TSPAN14: variants seen among roughly 807,000 people sequenced by gnomAD.
The protein encoded by TSPAN14 is tetraspanin-14.
TSPAN14 carries 16 observed loss-of-function variants against 36.6 expected under a neutral mutation model. The ratio of observed to expected loss-of-function variants is 0.44; its 90% CI spans 0.30 to 0.66. TSPAN14 has a LOEUF of 0.66. Among genes scored for constraint, TSPAN14 ranks in the 30% least tolerant of loss-of-function variants. The pLI, the probability that TSPAN14 is intolerant of heterozygous loss-of-function variation, is 0.12. For synonymous variants in TSPAN14, 139 were observed against 143.8 expected (o/e 0.97, Z 0.24); for missense variants, 231 against 355.1 (o/e 0.65, Z 2.81).
intron 6 of TSPAN14, among the ~76,000 whole-genome samples, chr10:80,512,718 G>A (rs1258349250): frequency 1.3e-5 from 2 of 152,136 alleles, no homozygotes; most frequent in African/African-American, 4.8e-5. Flanking sequence ...TTTTGAGACA[G>A]GGTCTTGCTG....
chr10:80,517,230 C>T (rs1367561605), intron 8 of TSPAN14, among the ~76,000 whole-genome samples: 3 of 152,184 alleles, frequency 2.0e-5, no homozygotes, highest in Non-Finnish European at 2.9e-5. Flanking sequence ...TAGGAGGAAG[C>T]AACTGGAAAA....
At chr10:80,475,316 C>A (rs963950646) in intron 1 of TSPAN14, among the ~76,000 whole-genome samples, 1 of 152,174 alleles carries the variant, frequency 6.6e-6, no homozygotes, top group Non-Finnish European at 1.5e-5. Context: ...CCTATAATCC[C>A]AGCACTTTGG....
chr10:80,468,631 G>T (rs1846366862), intron 1 of TSPAN14: 1 of 152,100 alleles, frequency 6.6e-6, no homozygotes, highest in Non-Finnish European at 1.5e-5. Context: ...CTGCGCTGTA[G>T]AATCTTGAGG....
At chr10:80,512,166 G>A in exon 6 of TSPAN14, 2 of 1,614,206 alleles carry the variant, frequency 1.2e-6, no homozygotes, top group Non-Finnish European at 1.7e-6. Flanking sequence ...GGCGCATATG[G>A]CCCTGAAGAC....
At chr10:80,492,026 G>T (rs1227180317) in intron 2 of TSPAN14, among the ~76,000 whole-genome samples, 2 of 152,178 alleles carry the variant, frequency 1.3e-5, no homozygotes, top group Non-Finnish European at 2.9e-5. Flanking sequence ...GCAGGAGGGT[G>T]CCGGGCTGGC....
At chr10:80,502,002 C>T (rs954254861) in intron 2 of TSPAN14, among the ~76,000 whole-genome samples, 1 of 152,170 alleles carries the variant, frequency 6.6e-6, no homozygotes. Context: ...GGTCTGGGAT[C>T]AGTGCCGCGA....
At chr10:80,521,220 G>A (rs1340321889) in exon 9 of TSPAN14, 1 of 172,066 alleles carries the variant, frequency 5.8e-6, no homozygotes, top group Non-Finnish European at 1.3e-5. Flanking sequence ...GAACCCACCT[G>A]ATGGCTTCTC....
At chr10:80,465,309 G>A (rs1846183226) in intron 1 of TSPAN14, among the ~76,000 whole-genome samples, 2 of 152,152 alleles carry the variant, frequency 1.3e-5, no homozygotes, top group South Asian at 4.1e-4. Context: ...CCTCACGCGA[G>A]CACTCAGCTG....
chr10:80,495,193 AT>A (rs2132024235), intron 2 of TSPAN14, among the ~76,000 whole-genome samples: 1 of 152,174 alleles, frequency 6.6e-6, no homozygotes, highest in Admixed American at 6.5e-5. Context: ...AGGGAGGGAA[AT>A]TATTTGCTGA....
chr10:80,467,843 G>A (rs1226692590), intron 1 of TSPAN14, among the ~76,000 whole-genome samples: 4 of 152,208 alleles, frequency 2.6e-5, no homozygotes, highest in African/African-American at 4.8e-5. Context: ...CTTGGACCTC[G>A]CCTTGGCTTT....
intron 3 of TSPAN14, among the ~76,000 whole-genome samples, chr10:80,506,053 C>A (rs1387306034): frequency 6.6e-6 from 1 of 152,334 alleles, no homozygotes; most frequent in African/African-American, 2.4e-5. Flanking sequence ...CTCACTGCAA[C>A]CTCCGCCTCC....
chr10:80,506,873 A>G (rs1341160665), intron 3 of TSPAN14, among the ~76,000 whole-genome samples: 1 of 152,242 alleles, frequency 6.6e-6, no homozygotes, highest in African/African-American at 2.4e-5. Context: ...TTGGGGGACT[A>G]ACAAGGTCAG....
rs2132079574 is a variant in TSPAN14, at chr10:80,520,946, C to T, written c.*2970C>T. 6.8e-6 allele frequency: 3 copies of T among 441,546 alleles called. No individual in the cohort carries two copies. The East Asian group carries it at 1.7e-4, about 25-fold the overall frequency. 27.4% of individuals were successfully genotyped at this position (441,546 alleles called of 1,614,324 possible). ...ACTCTGCTGCAGCTGTCCTCACCAG[C>T]CTCCGGGGAATCCCACTACCCACAG... is the stretch of plus-strand genomic sequence containing the variant. On this transcript the variant is annotated 3_prime_UTR_variant, in exon 9 of 9. Coordinates refer to ENST00000429989, the Ensembl canonical transcript of TSPAN14.
At chr10:80,507,143 T>C in intron 3 of TSPAN14, 85 bp from the exon 4 acceptor site, 1 of 1,542,676 alleles carries the variant, frequency 6.5e-7, no homozygotes, top group South Asian at 1.2e-5. Context: ...AAGTCCCTGT[T>C]TTCAGTACCA....
chr10:80,487,136 G>A (rs1370687158), intron 1 of TSPAN14, among the ~76,000 whole-genome samples: 4 of 152,218 alleles, frequency 2.6e-5, no homozygotes, highest in Admixed American at 2.6e-4. Context: ...GTGAATGCTA[G>A]TTATAGCTAC....
At chr10:80,482,795 G>T (rs1459169354) in intron 1 of TSPAN14, among the ~76,000 whole-genome samples, 1 of 146,262 alleles carries the variant, frequency 6.8e-6, no homozygotes, top group Admixed American at 6.8e-5. Flanking sequence ...GAGTGCAATG[G>T]CACGATCTCG....
chr10:80,512,385 G>A (rs958225892), intron 6 of TSPAN14, 116 bp downstream of exon 6: 45 of 1,435,066 alleles, frequency 3.1e-5, no homozygotes, highest in Admixed American at 4.8e-5. Context: ...AGGAGCAGGT[G>A]TGCTTTCTCC....
intron 1 of TSPAN14, chr10:80,468,821 A>C (rs1374322468): frequency 6.6e-6 from 1 of 151,868 alleles, no homozygotes; most frequent in African/African-American, 2.4e-5. Context: ...CGATCTGCCA[A>C]AGTGCTGGGA....
rs376060201 is a variant in TSPAN14 at position 80,482,537 on chromosome 10, C to T, written c.-17-6680C>T. Reference sequence around the variant, plus strand: ...TCCTGACCTCAAGTGATCCACCTGCCTCAGCCTCCCAGAGTGCTGTGATTA... The same window carrying T: ...TCCTGACCTCAAGTGATCCACCTGCTTCAGCCTCCCAGAGTGCTGTGATTA... On this transcript the variant is annotated intron_variant, in intron 1 of 8. Transcript: ENST00000429989. 1.5e-3 allele frequency among the ~76,000 whole-genome samples: 230 copies of T among 151,080 alleles called. 8 individuals are homozygous for T. The South Asian group carries it at 0.047, about 31-fold the overall frequency.
Sources: allele counts gnomAD v4.1 joint callset (sites outside exome capture counted in the v4.1 genomes callset), GRCh38; gene constraint gnomAD v4.1.1; transcripts MANE v1.5; gene names NCBI Gene and HGNC (gene_info 2026-07-23, HGNC 2026-07-21).